RGS17: variants seen among roughly 807,000 people sequenced by gnomAD.
RGS17 encodes the protein regulator of G-protein signaling 17.
Under a neutral mutation model 25.5 loss-of-function variants are expected in RGS17, and 12 were observed. That is an observed-to-expected ratio of 0.47 (90% confidence interval 0.30 to 0.76). The LOEUF is 0.76. RGS17 is among the 30% of genes least tolerant of loss of function. The pLI, the probability that RGS17 is intolerant of heterozygous loss-of-function variation, is 0.07. For synonymous variants in RGS17, 71 were observed against 76.9 expected, an observed-to-expected ratio of 0.92 and a Z score of 0.40; for missense variants, 196 against 242.2, an observed-to-expected ratio of 0.81 and a Z score of 1.27.
At chr6:153,030,684 A>C (rs751388757) in intron 2 of RGS17, among the ~76,000 whole-genome samples, 3 of 152,216 alleles carry the variant, frequency 2.0e-5, no homozygotes, top group Non-Finnish European at 2.9e-5. Flanking sequence ...TTATTCTTTA[A>C]ATACTTCATT....
chr6:153,063,698 C>T (rs1776668352), intron 1 of RGS17, among the ~76,000 whole-genome samples: 1 of 151,992 alleles, frequency 6.6e-6, no homozygotes, highest in East Asian at 1.9e-4. Context: ...ACTTCCCAAA[C>T]CTAGAGAAAG....
chr6:153,078,250 G>A (rs1240984655), intron 1 of RGS17, among the ~76,000 whole-genome samples: 1 of 151,982 alleles, frequency 6.6e-6, no homozygotes, highest in African/African-American at 2.4e-5. Context: ...AAATTGTTTT[G>A]GATAGTCTGG....
At position 153,064,466 on chromosome 6, in the gene RGS17, T is replaced by C. The variant is rs189814110; in HGVS notation, c.-25-20423A>G. 1.8e-3 allele frequency among the ~76,000 whole-genome samples: 267 copies of C among 152,090 alleles called. 2 individuals carry two copies. The highest frequency in any genetic ancestry group is 3.4e-3 in the Middle Eastern group (1 of 294). On this transcript the variant is annotated intron_variant, in intron 1 of 4. Transcript: ENST00000206262. Reference sequence around the variant, plus strand: ...TAACATGGTGAAACCCCGTCTCTACTAAAAATACAAAAAATTAGCCGGGTG... The same window carrying C: ...TAACATGGTGAAACCCCGTCTCTACCAAAAATACAAAAAATTAGCCGGGTG...
At chr6:153,047,736 T>C (rs993633872) in intron 1 of RGS17, among the ~76,000 whole-genome samples, 1 of 152,158 alleles carries the variant, frequency 6.6e-6, no homozygotes, top group East Asian at 1.9e-4. Context: ...TAGGCCACCA[T>C]CTTGATCTTA....
At chr6:153,027,265 G>T (rs904707342) in intron 2 of RGS17, among the ~76,000 whole-genome samples, 11 of 152,100 alleles carry the variant, frequency 7.2e-5, no homozygotes, top group African/African-American at 2.4e-4. Context: ...GAAGGTTTTA[G>T]TAGCCCAGAA....
chr6:153,118,413 T>C (rs1186319570), intron 1 of RGS17, among the ~76,000 whole-genome samples: 1 of 152,240 alleles, frequency 6.6e-6, no homozygotes, highest in Non-Finnish European at 1.5e-5. Context: ...TCTAAGAATG[T>C]ATGGGATATA....
At chr6:153,112,532 A>G (rs908292565) in intron 1 of RGS17, among the ~76,000 whole-genome samples, 4 of 152,212 alleles carry the variant, frequency 2.6e-5, no homozygotes, top group African/African-American at 9.6e-5. Flanking sequence ...TCCCCAACCT[A>G]TCAAGACAAG....
intron 2 of RGS17, among the ~76,000 whole-genome samples, chr6:153,030,214 G>A (rs1347951256): frequency 2.0e-5 from 3 of 152,156 alleles, no homozygotes; most frequent in African/African-American, 7.2e-5. Flanking sequence ...TTGTTTACAG[G>A]GGAGTGTGGA....
At chr6:153,121,249 G>A (rs1227282061) in intron 1 of RGS17, among the ~76,000 whole-genome samples, 1 of 152,144 alleles carries the variant, frequency 6.6e-6, no homozygotes, top group African/African-American at 2.4e-5. Flanking sequence ...ATTTACCAAT[G>A]CACCGAAAGA....
chr6:153,042,341 G>T (rs1199734819), intron 2 of RGS17, among the ~76,000 whole-genome samples: 1 of 152,198 alleles, frequency 6.6e-6, no homozygotes, highest in African/African-American at 2.4e-5. Context: ...TCATGGGAAG[G>T]ACGCGGTGGC....
intron 1 of RGS17, among the ~76,000 whole-genome samples, chr6:153,078,018 C>T (rs764133083): frequency 1.3e-5 from 2 of 151,960 alleles, no homozygotes; most frequent in Admixed American, 1.3e-4. Context: ...GGATTCCAGG[C>T]GCCCACCACC....
At chr6:153,115,213 G>T (rs1777526922) in intron 1 of RGS17, among the ~76,000 whole-genome samples, 1 of 152,172 alleles carries the variant, frequency 6.6e-6, no homozygotes, top group Non-Finnish European at 1.5e-5. Flanking sequence ...TCCTTAAGCT[G>T]ATAAGCAACT....
rs920004928 is a variant in RGS17 at position 153,131,186 on chromosome 6, G to C, written c.-88C>G. 2 of 151,854 alleles carry C rather than the reference G, an allele frequency of 1.3e-5. No individual in the cohort carries two copies. Among genetic ancestry groups the C allele is most frequent in the South Asian group, 2.1e-4 (1 of 4,838 alleles). The allele number at this position is 151,854 out of a possible 1,614,324, so 9.4% of individuals were successfully genotyped here. On this transcript the variant is annotated 5_prime_UTR_variant, in exon 1 of 5. Coordinates refer to ENST00000206262, the MANE Select transcript of RGS17 (RefSeq NM_012419.5). ...CCGGGGGAGCGGGGCTGGGCGGCTC[G>C]GTCCTCTAGCGGAGCCGGTTTGCTG...
intron 1 of RGS17, among the ~76,000 whole-genome samples, chr6:153,092,305 A>G (rs1285128353): frequency 6.6e-6 from 1 of 152,192 alleles, no homozygotes; most frequent in Non-Finnish European, 1.5e-5. Context: ...AAATTTAACT[A>G]TACGATTTTG....
rs569821681 is a variant in RGS17 at position 153,048,633 on chromosome 6, C to T, written c.-25-4590G>A. Among the ~76,000 whole-genome samples, 4 of 152,344 alleles carry T rather than the reference C, an allele frequency of 2.6e-5. No homozygotes were observed. The East Asian group carries it at 5.8e-4, about 22-fold the overall frequency. On this transcript the variant is annotated intron_variant, in intron 1 of 4. Coordinates refer to ENST00000206262, the MANE Select transcript of RGS17 (RefSeq NM_012419.5). ...CAATCACAATGGCCTCCTTGCTGCTCCTCAGCCATGCTCGGTACAATTACG... is the reference window on the plus strand; with the variant it reads ...CAATCACAATGGCCTCCTTGCTGCTTCTCAGCCATGCTCGGTACAATTACG...
intron 1 of RGS17, among the ~76,000 whole-genome samples, chr6:153,105,392 C>T (rs1041854993): frequency 6.6e-6 from 1 of 152,022 alleles, no homozygotes; most frequent in African/African-American, 2.4e-5. Flanking sequence ...TTTAGAAAAG[C>T]GCCTACCGCA....
intron 1 of RGS17, among the ~76,000 whole-genome samples, chr6:153,049,539 CA>C: frequency 6.6e-6 from 1 of 152,170 alleles, no homozygotes; most frequent in East Asian, 1.9e-4. Context: ...ATCACGAGGT[CA>C]GGAGATCGAG....
At chr6:153,089,414 C>G (rs975238817) in intron 1 of RGS17, among the ~76,000 whole-genome samples, 3 of 152,058 alleles carry the variant, frequency 2.0e-5, no homozygotes, top group Non-Finnish European at 4.4e-5. Flanking sequence ...AATAATGGAT[C>G]TAACCCAACT....
At chr6:153,104,221 C>T (rs1372214632) in intron 1 of RGS17, among the ~76,000 whole-genome samples, 1 of 152,152 alleles carries the variant, frequency 6.6e-6, no homozygotes, top group Non-Finnish European at 1.5e-5. Flanking sequence ...CAATTCATTG[C>T]ACAGATAGTA....
Sources: gnomAD v4.1 joint callset for allele counts (sites outside exome capture counted in the v4.1 genomes callset) on GRCh38, gnomAD v4.1.1 for gene constraint, MANE v1.5 for transcripts, NCBI Gene and HGNC (gene_info 2026-07-23, HGNC 2026-07-21) for gene names.